The following THSD4 variants were observed in gnomAD, a reference collection of about 807,000 sequenced individuals.
THSD4 encodes the protein thrombospondin type-1 domain-containing protein 4.
In THSD4, 69 loss-of-function variants were observed where a neutral mutation model predicts 119.0. The ratio of observed to expected loss-of-function variants is 0.58; its 90% CI spans 0.48 to 0.71. The LOEUF is 0.71. THSD4 is among the 30% of genes least tolerant of loss of function. THSD4 has a pLI of 0.00. For synonymous variants in THSD4, 524 were observed against 540.4 expected, an observed-to-expected ratio of 0.97 and a Z score of 0.42; for missense variants, 1,393 against 1,391.1, an observed-to-expected ratio of 1.00 and a Z score of -0.02.
chr15:71,371,310 A>G (rs1330046889), intron 6 of THSD4, among the ~76,000 whole-genome samples: 1 of 152,220 alleles, frequency 6.6e-6, no homozygotes, highest in South Asian at 2.1e-4. Flanking sequence ...TATGAATTTG[A>G]TCCTGTCATT....
chr15:71,478,921 C>T (rs974111196), intron 7 of THSD4, among the ~76,000 whole-genome samples: 1 of 152,140 alleles, frequency 6.6e-6, no homozygotes, highest in Non-Finnish European at 1.5e-5. Flanking sequence ...TGTCATTTTT[C>T]TGCAAGTGAA....
chr15:71,266,831 C>G (rs1341266925), intron 6 of THSD4, among the ~76,000 whole-genome samples: 1 of 151,570 alleles, frequency 6.6e-6, no homozygotes, highest in Non-Finnish European at 1.5e-5. Flanking sequence ...GTATCAATAG[C>G]TGAATTGATC....
chr15:71,526,486 A>G (rs2048520855), intron 7 of THSD4, among the ~76,000 whole-genome samples: 1 of 150,572 alleles, frequency 6.6e-6, no homozygotes, highest in African/African-American at 2.4e-5. Flanking sequence ...TCGTTTAGTG[A>G]TTCTTTTTTT....
chr15:71,526,954 T>C (rs1231604964), intron 7 of THSD4, among the ~76,000 whole-genome samples: 1 of 152,164 alleles, frequency 6.6e-6, no homozygotes, highest in Non-Finnish European at 1.5e-5. Context: ...AAAATGACCA[T>C]TGCCTTGGTC....
chr15:71,183,321 CAT>C (rs2043555312), intron 3 of THSD4: 1 of 151,738 alleles, frequency 6.6e-6, no homozygotes, highest in Non-Finnish European at 1.5e-5. Flanking sequence ...CCTCCCACGA[CAT>C]GTGGGAATTA....
intron 7 of THSD4, among the ~76,000 whole-genome samples, chr15:71,447,738 A>G (rs2047206159): frequency 6.6e-6 from 1 of 152,236 alleles, no homozygotes; most frequent in Non-Finnish European, 1.5e-5. Context: ...TGGTTTAACC[A>G]AAAGAGATAC....
chr15:71,360,160 A>G (rs1021985921), intron 6 of THSD4, among the ~76,000 whole-genome samples: 7 of 152,066 alleles, frequency 4.6e-5, no homozygotes, highest in African/African-American at 1.7e-4. Context: ...GGGCTGATGG[A>G]GAATCTCTCC....
intron 3 of THSD4, among the ~76,000 whole-genome samples, chr15:71,195,918 C>T (rs893903100): frequency 6.6e-6 from 1 of 152,180 alleles, no homozygotes; most frequent in African/African-American, 2.4e-5. Context: ...AAGGCTTATT[C>T]ATGTTGAATA....
intron 8 of THSD4, among the ~76,000 whole-genome samples, chr15:71,697,085 A>C (rs1413256747): frequency 1.3e-5 from 2 of 152,244 alleles, no homozygotes; most frequent in African/African-American, 4.8e-5. Flanking sequence ...AAGACGGTGA[A>C]GGAGCAAAAG....
intron 4 of THSD4, among the ~76,000 whole-genome samples, chr15:71,222,470 A>G (rs992495762): frequency 6.6e-6 from 1 of 152,178 alleles, no homozygotes; most frequent in Admixed American, 6.5e-5. Context: ...ATTTTCAAGT[A>G]TGAATTTGAG....
At position 71,745,539 on chromosome 15, in the gene THSD4, G is replaced by A. The variant is rs563689294; in HGVS notation, c.2036+304G>A. On this transcript the variant is annotated intron_variant, in intron 12 of 17. Coordinates refer to ENST00000261862, the MANE Select transcript of THSD4 (RefSeq NM_024817.3). The stretch of plus-strand genomic sequence containing the variant: ...CAAAAAACGAGAAGCCAGTGTAGTT[G>A]GTGTCGTAGGTGAGCTGTTCACAGA... Among the ~76,000 whole-genome samples the A allele has an allele frequency of 6.3e-4, 96 of 152,298 alleles. 2 individuals are homozygous for A. In the South Asian group the frequency reaches 0.018, roughly 29 times the overall value.
intron 6 of THSD4, among the ~76,000 whole-genome samples, chr15:71,283,300 GT>G (rs1158751224): frequency 6.6e-6 from 1 of 152,194 alleles, no homozygotes; most frequent in East Asian, 1.9e-4. Context: ...GTTGTATACA[GT>G]TGCTTGGTCA....
chr15:71,138,182 A>G (rs1364245209), intron 1 of THSD4, among the ~76,000 whole-genome samples: 1 of 152,176 alleles, frequency 6.6e-6, no homozygotes, highest in African/African-American at 2.4e-5. Context: ...GAAACTTACA[A>G]TCATGGTGGA....
chr15:71,625,150 A>G (rs1457808354), intron 7 of THSD4, among the ~76,000 whole-genome samples: 4 of 152,000 alleles, frequency 2.6e-5, no homozygotes, highest in African/African-American at 9.7e-5. Context: ...AGGACTGCAG[A>G]TATGCACTAC....
At chr15:71,531,541 C>A (rs183864031) in intron 7 of THSD4, among the ~76,000 whole-genome samples, 1 of 152,184 alleles carries the variant, frequency 6.6e-6, no homozygotes, top group African/African-American at 2.4e-5. Context: ...TGGAGACAGA[C>A]GCCCTGGGTT....
Position 71,411,832 on chromosome 15 carries a change from C to T in THSD4, c.1152+9C>T. On this transcript the variant is annotated intron_variant, in intron 7 of 17. Transcript: ENST00000261862. Reference sequence around the variant, plus strand: ...TGTCTGGGCAGTGCAAGGTAAGTGCCCCCGAACTGGGGTGAATTCTTAAGG... The same window carrying T: ...TGTCTGGGCAGTGCAAGGTAAGTGCTCCCGAACTGGGGTGAATTCTTAAGG... 1.2e-6 allele frequency: 2 copies of T among 1,613,628 alleles called. No homozygotes were observed. The highest frequency in any genetic ancestry group is 1.7e-4 in the Middle Eastern group (1 of 6,054).
chr15:71,221,481 T>C (rs1596276560), intron 4 of THSD4, among the ~76,000 whole-genome samples: 4 of 152,196 alleles, frequency 2.6e-5, no homozygotes, highest in Admixed American at 2.6e-4. Flanking sequence ...ACCATTCTAC[T>C]TTCTTCCTCT....
At chr15:71,596,115 A>G (rs748904644) in intron 7 of THSD4, among the ~76,000 whole-genome samples, 5 of 152,210 alleles carry the variant, frequency 3.3e-5, no homozygotes, top group Non-Finnish European at 7.3e-5. Flanking sequence ...TTGTGCTTTT[A>G]TCTTGTGAGT....
rs1215232551 is a variant in THSD4, at chr15:71,768,514, G to A, written c.2770-2550G>A. On this transcript the variant is annotated intron_variant, in intron 16 of 17. Transcript: ENST00000261862. ...AACCTATGGATTGAAAGAGTTGTGA[G>A]AGACTTATTGACCAATTGCAACTTG... Among the ~76,000 whole-genome samples the A allele has an allele frequency of 6.0e-5, 9 of 150,928 alleles. No individual in the cohort carries two copies. The East Asian group carries it at 1.6e-3, about 26-fold the overall frequency.
Sources: gnomAD v4.1 joint callset for allele counts (sites outside exome capture counted in the v4.1 genomes callset) on GRCh38, gnomAD v4.1.1 for gene constraint, MANE v1.5 for transcripts, NCBI Gene and HGNC (gene_info 2026-07-23, HGNC 2026-07-21) for gene names.